Variants in CFAP107 observed in about 807,000 individuals in gnomAD.
CFAP107 encodes the protein cilia and flagella associated protein 107, also known as cilia- and flagella-associated protein 107.
chr1:12,761,527 T>C, the CFAP107 span: 1 of 148,164 alleles, frequency 6.7e-6, no homozygotes. Flanking sequence ...TCGCAAATCT[T>C]TGTGTTTTTT....
the CFAP107 span, among the ~76,000 whole-genome samples, chr1:12,750,185 A>G: frequency 2.6e-5 from 4 of 152,316 alleles, no homozygotes; most frequent in East Asian, 5.8e-4. Context: ...TAACTGTAGG[A>G]TATTGTGTAT....
the CFAP107 span, chr1:12,761,101 T>A: frequency 1.4e-6 from 1 of 703,492 alleles, no homozygotes; most frequent in Non-Finnish European, 2.2e-6. Flanking sequence ...CATTTGGCGG[T>A]ACCTGTCCCC....
At chr1:12,750,188 T>C in the CFAP107 span, among the ~76,000 whole-genome samples, 4 of 152,304 alleles carry the variant, frequency 2.6e-5, no homozygotes, top group East Asian at 7.7e-4. Context: ...CTGTAGGATA[T>C]TGTGTATAAT....
the CFAP107 span, among the ~76,000 whole-genome samples, chr1:12,757,003 C>A: frequency 3.3e-5 from 5 of 152,222 alleles, no homozygotes; most frequent in African/African-American, 1.2e-4. Flanking sequence ...CATCCTCAGA[C>A]CACACTGACA....
chr1:12,759,175 C>T, the CFAP107 span: 4 of 953,788 alleles, frequency 4.2e-6, no homozygotes, highest in Non-Finnish European at 6.4e-6. Context: ...TTCTGAAGAC[C>T]CTTTGCCAGC....
the CFAP107 span, among the ~76,000 whole-genome samples, chr1:12,746,707 C>A: frequency 2.0e-5 from 3 of 152,018 alleles, no homozygotes. Flanking sequence ...TTCAAGCAAT[C>A]ATCAATATTC....
chr1:12,753,627 A>G, the CFAP107 span: 1 of 152,192 alleles, frequency 6.6e-6, no homozygotes, highest in Non-Finnish European at 1.5e-5. Flanking sequence ...GGAAAGGACA[A>G]TTTCTTCAAT....
the CFAP107 span, among the ~76,000 whole-genome samples, chr1:12,752,539 C>G: frequency 7.4e-6 from 1 of 134,904 alleles, no homozygotes; most frequent in African/African-American, 2.9e-5. Context: ...TGCACTTCAG[C>G]CTGGCCGACT....
the CFAP107 span, among the ~76,000 whole-genome samples, chr1:12,757,283 T>C: frequency 6.6e-6 from 1 of 152,078 alleles, no homozygotes; most frequent in African/African-American, 2.4e-5. Context: ...CCCCCCCGCA[T>C]TGTCATCTCC....
At chr1:12,755,795 T>C in the CFAP107 span, 4 of 1,613,054 alleles carry the variant, frequency 2.5e-6, no homozygotes, top group Non-Finnish European at 2.5e-6. Context: ...CCAGGTGGTA[T>C]GGGAAGAGGA....
At chr1:12,749,238 T>C in the CFAP107 span, among the ~76,000 whole-genome samples, 1 of 152,144 alleles carries the variant, frequency 6.6e-6, no homozygotes, top group African/African-American at 2.4e-5. Flanking sequence ...AATTAAGATA[T>C]TGAAACCCAA....
At chr1:12,752,430 C>A in the CFAP107 span, among the ~76,000 whole-genome samples, 1 of 151,208 alleles carries the variant, frequency 6.6e-6, no homozygotes, top group Non-Finnish European at 1.5e-5. Context: ...ACAAAAAATA[C>A]AAAAATTAGC....
the CFAP107 span, among the ~76,000 whole-genome samples, chr1:12,756,683 AGGG>A: frequency 6.6e-6 from 1 of 152,158 alleles, no homozygotes; most frequent in African/African-American, 2.4e-5. Flanking sequence ...GCTTCAACTC[AGGG>A]TGGCAGCAGA....
At chr1:12,753,798 C>T in the CFAP107 span, 1 of 152,126 alleles carries the variant, frequency 6.6e-6, no homozygotes, top group East Asian at 1.9e-4. Context: ...GGTGTGGTGA[C>T]TCATGCCAGT....
the CFAP107 span, chr1:12,760,719 CA>C: frequency 2.6e-6 from 4 of 1,566,066 alleles, no homozygotes; most frequent in East Asian, 9.0e-5. Context: ...CCATTTAGAG[CA>C]AGACTCCTTC....
chr1:12,758,738 G>A, the CFAP107 span, among the ~76,000 whole-genome samples: 1 of 152,172 alleles, frequency 6.6e-6, no homozygotes, highest in Non-Finnish European at 1.5e-5. Flanking sequence ...AGGAGAACAT[G>A]GCTTTCTTCT....
the CFAP107 span, among the ~76,000 whole-genome samples, chr1:12,756,382 A>G: frequency 6.6e-6 from 1 of 152,254 alleles, no homozygotes; most frequent in African/African-American, 2.4e-5. Context: ...TAGCAATCCC[A>G]CTAGTGAGTA....
chr1:12,760,525 C>T, the CFAP107 span, among the ~76,000 whole-genome samples: 3 of 152,324 alleles, frequency 2.0e-5, no homozygotes, highest in South Asian at 6.2e-4. Flanking sequence ...TCCAAGGCCC[C>T]CGTGGCAGAG....
the CFAP107 span, among the ~76,000 whole-genome samples, chr1:12,749,235 A>C: frequency 1.3e-3 from 200 of 152,350 alleles, 1 homozygote; most frequent in South Asian, 8.9e-3. Context: ...TATAATTAAG[A>C]TATTGAAACC....
Sources: allele counts gnomAD v4.1 joint callset (sites outside exome capture counted in the v4.1 genomes callset), GRCh38; gene constraint gnomAD v4.1.1; transcripts MANE v1.5; gene names NCBI Gene and HGNC (gene_info 2026-07-23, HGNC 2026-07-21).